The following AQR variants were observed in gnomAD, a reference collection of about 807,000 sequenced individuals.
AQR encodes aquarius intron-binding spliceosomal factor.
Under a neutral mutation model 180.5 loss-of-function variants are expected in AQR, and 61 were observed. The ratio of observed to expected loss-of-function variants is 0.34; its 90% confidence interval spans 0.28 to 0.42. AQR has a LOEUF of 0.42. Among genes scored for constraint, AQR ranks in the 10% least tolerant of loss-of-function variants. The probability of loss-of-function intolerance (pLI) is 1.00; values close to 1 mark genes in which losing one functional copy is unlikely to be tolerated. For missense variants in AQR, 1,281 were observed against 1,798.3 expected (o/e 0.71, Z 5.20); for synonymous variants, 551 against 588.8 (o/e 0.94, Z 0.93).
chr15:34,874,625 C>T, intron 29 of AQR, 52 bp downstream of exon 29: 1 of 1,595,724 alleles, frequency 6.3e-7, no homozygotes, highest in Non-Finnish European at 8.6e-7. Flanking sequence ...ATACTTGGAT[C>T]ATGGAACAAA....
At chr15:34,874,554 T>C (rs1595782884) in intron 29 of AQR, 123 bp downstream of exon 29, 2 of 1,182,284 alleles carry the variant, frequency 1.7e-6, no homozygotes, top group Non-Finnish European at 1.2e-6. Context: ...TTTGGATTTA[T>C]GGATAGCCAA....
chr15:34,898,069 A>C (rs1041340640), intron 20 of AQR, among the ~76,000 whole-genome samples: 2 of 152,220 alleles, frequency 1.3e-5, no homozygotes, highest in Non-Finnish European at 2.9e-5. Context: ...TTAGACATTC[A>C]AAGACGGGAA....
At chr15:34,962,023 T>C (rs1257585812) in intron 2 of AQR, among the ~76,000 whole-genome samples, 1 of 150,820 alleles carries the variant, frequency 6.6e-6, no homozygotes, top group African/African-American at 2.4e-5. Context: ...AACTATAATG[T>C]CTTTTTTTTT....
intron 18 of AQR, 103 bp from the exon 19 acceptor site, chr15:34,904,608 G>T: frequency 9.1e-7 from 1 of 1,100,668 alleles, no homozygotes; most frequent in Non-Finnish European, 1.3e-6. Flanking sequence ...AATGGTTCAG[G>T]CTTAACTCCA....
intron 4 of AQR, 43 bp downstream of exon 4, chr15:34,952,842 A>T: frequency 7.4e-7 from 1 of 1,353,054 alleles, no homozygotes; most frequent in Non-Finnish European, 1.0e-6. Flanking sequence ...CTAAAACTGA[A>T]ATCACATTAT....
chr15:34,925,533 T>C (rs1239028051), intron 13 of AQR, among the ~76,000 whole-genome samples: 1 of 152,182 alleles, frequency 6.6e-6, no homozygotes, highest in Non-Finnish European at 1.5e-5. Flanking sequence ...AGCCAAAACT[T>C]AAAAATTAAA....
At chr15:34,920,963 T>C (rs975922345) in intron 13 of AQR, among the ~76,000 whole-genome samples, 1 of 151,054 alleles carries the variant, frequency 6.6e-6, no homozygotes, top group Non-Finnish European at 1.5e-5. Flanking sequence ...GTCTCAAAAA[T>C]AATAACAATA....
intron 15 of AQR, among the ~76,000 whole-genome samples, chr15:34,916,805 T>C (rs1280379437): frequency 1.4e-5 from 2 of 141,090 alleles, no homozygotes; most frequent in Non-Finnish European, 3.0e-5. Context: ...TGCTGCAATA[T>C]ACCATGAGTA....
intron 28 of AQR, 88 bp downstream of exon 28, chr15:34,875,847 C>A: frequency 1.0e-6 from 1 of 970,850 alleles, no homozygotes; most frequent in East Asian, 2.4e-5. Flanking sequence ...CTATGGCAAT[C>A]AGCACACCCA....
chr15:34,965,454 T>G (rs1389767813), intron 1 of AQR, among the ~76,000 whole-genome samples: 1 of 152,162 alleles, frequency 6.6e-6, no homozygotes, highest in Non-Finnish European at 1.5e-5. Context: ...GCGGATCACC[T>G]GAGGTCAGGA....
chr15:34,864,556 T>C (rs532869191), intron 32 of AQR, among the ~76,000 whole-genome samples: 1 of 152,304 alleles, frequency 6.6e-6, no homozygotes, highest in Non-Finnish European at 1.5e-5. Context: ...TAGAAATACC[T>C]AGCGTAAGTC....
At chr15:34,894,566 T>C (rs572675615) in intron 22 of AQR, among the ~76,000 whole-genome samples, 33 of 152,294 alleles carry the variant, frequency 2.2e-4, no homozygotes, top group Non-Finnish European at 2.5e-4. Flanking sequence ...ATATCTGGAA[T>C]GTAGAATAAA....
At chr15:34,928,188 CAG>C (rs1428971058) in intron 12 of AQR, among the ~76,000 whole-genome samples, 4 of 152,106 alleles carry the variant, frequency 2.6e-5, no homozygotes, top group South Asian at 4.1e-4. Flanking sequence ...AGAAGAAAAA[CAG>C]AGATTTTTTT....
At chr15:34,887,277 T>C (rs1196406110) in intron 24 of AQR, among the ~76,000 whole-genome samples, 1 of 152,180 alleles carries the variant, frequency 6.6e-6, no homozygotes, top group African/African-American at 2.4e-5. Context: ...AGCAAGACAC[T>C]TTCACAAAGA....
intron 1 of AQR, 144 bp downstream of exon 1, chr15:34,969,395 T>G: frequency 1.1e-6 from 1 of 874,780 alleles, no homozygotes; most frequent in Non-Finnish European, 1.8e-6. Context: ...ACGGAGCTGA[T>G]ACTCAGTAAA....
intron 3 of AQR, among the ~76,000 whole-genome samples, chr15:34,957,943 C>T (rs1288384444): frequency 2.0e-5 from 3 of 152,094 alleles, no homozygotes; most frequent in African/African-American, 7.2e-5. Context: ...GGCGCAGTGG[C>T]TCACGCCTGT....
In AQR at chr15:34,876,073, T is replaced by C. The variant is rs2140463898; in HGVS notation, c.3166-67A>G. 5 of 1,200,954 alleles carry C rather than the reference T, an allele frequency of 4.2e-6. 1 individual carries two copies. The South Asian group carries it at 5.3e-5, about 13-fold the overall frequency. The allele number at this position is 1,200,954 out of a possible 1,614,324, so 74.4% of individuals were successfully genotyped here. A position where few individuals can be genotyped will look rare whatever the true frequency, so the allele number is the denominator to read the frequency against. ...CAAACAACTACCATCATAAACATAATCATCAAAAAAACCCCAAATAATTTC... is the reference window on the plus strand; with the variant it reads ...CAAACAACTACCATCATAAACATAACCATCAAAAAAACCCCAAATAATTTC... On this transcript the variant is annotated intron_variant, in intron 27 of 34. Coordinates refer to ENST00000156471, the MANE Select transcript of AQR (RefSeq NM_014691.3).
chr15:34,950,618 T>C lies in AQR; in HGVS notation c.210-2234A>G, dbSNP rs554871989. ...TATTATATTTCTTCTCTTATGCCAATAATAATTTTAAACATAATGACTTGA... is the reference window on the plus strand; with the variant it reads ...TATTATATTTCTTCTCTTATGCCAACAATAATTTTAAACATAATGACTTGA... On this transcript the variant is annotated intron_variant, in intron 4 of 34. Transcript: ENST00000156471. Among the ~76,000 whole-genome samples, 74 of 152,270 alleles carry C rather than the reference T, an allele frequency of 4.9e-4. 4 individuals are homozygous for C. In the South Asian group the frequency reaches 0.014, roughly 29 times the overall value.
At chr15:34,930,417 A>C (rs750371032) in intron 11 of AQR, 46 bp from the exon 12 acceptor site, 14 of 1,077,646 alleles carry the variant, frequency 1.3e-5, no homozygotes, top group Admixed American at 3.5e-5. Flanking sequence ...ACATAAGGGC[A>C]AGAAAGCACA....
Sources: gnomAD v4.1 joint callset for allele counts (sites outside exome capture counted in the v4.1 genomes callset) on GRCh38, gnomAD v4.1.1 for gene constraint, MANE v1.5 for transcripts, NCBI Gene and HGNC (gene_info 2026-07-23, HGNC 2026-07-21) for gene names.